Variants in THSD7A observed in about 807,000 individuals in gnomAD.
THSD7A encodes thrombospondin type 1 domain containing 7A, also known as thrombospondin type-1 domain-containing protein 7A.
Under a neutral mutation model 231.3 loss-of-function variants are expected in THSD7A, and 96 were observed. That is an observed-to-expected ratio of 0.41 (90% CI 0.35 to 0.49). The LOEUF (loss-of-function observed/expected upper bound fraction) is 0.49. Among genes scored for constraint, THSD7A ranks in the 20% least tolerant of loss-of-function variants. The probability of loss-of-function intolerance (pLI) is 0.05; values close to 1 mark genes in which losing one functional copy is unlikely to be tolerated. For synonymous variants in THSD7A, 940 were observed against 743.3 expected (o/e 1.26, Z -4.30); for missense variants, 2,290 against 2,070.2 (o/e 1.11, Z -2.06).
At chr7:11,557,546 C>G (rs978487970) in intron 4 of THSD7A, among the ~76,000 whole-genome samples, 2 of 151,990 alleles carry the variant, frequency 1.3e-5, no homozygotes, top group Non-Finnish European at 2.9e-5. Context: ...ACATTTTTGC[C>G]TCATGTCACA....
chr7:11,830,048 A>T (rs1785149352), intron 1 of THSD7A, among the ~76,000 whole-genome samples: 1 of 152,220 alleles, frequency 6.6e-6, no homozygotes, highest in South Asian at 2.1e-4. Context: ...CTAAGGGTCA[A>T]AATTTAAGTG....
chr7:11,398,289 G>A (rs1206672546), intron 23 of THSD7A, among the ~76,000 whole-genome samples: 1 of 152,054 alleles, frequency 6.6e-6, no homozygotes, highest in African/African-American at 2.4e-5. Context: ...CACAGAAACA[G>A]AAAACCAAAC....
chr7:11,419,289 G>A (rs150953976), intron 16 of THSD7A, among the ~76,000 whole-genome samples: 282 of 152,272 alleles, frequency 1.9e-3, no homozygotes, highest in Middle Eastern at 3.4e-3. Context: ...CTGGTGGGAG[G>A]TCACTGGATC....
chr7:11,440,793 G>A lies in THSD7A; in HGVS notation c.3064+5268C>T, dbSNP rs553739562. ...GGAATCTGCTCCGGGTGAAGATGCA[G>A]TGACAATTGTTGAAATGACAACAAA... On this transcript the variant is annotated intron_variant, in intron 13 of 27. Coordinates refer to ENST00000423059, the MANE Select transcript of THSD7A (RefSeq NM_015204.3). Among the ~76,000 whole-genome samples the A allele has an allele frequency of 7.9e-5, 12 of 152,146 alleles. 1 individual carries two copies. The highest frequency in any genetic ancestry group is 4.6e-4 in the Admixed American group (7 of 15,270).
intron 6 of THSD7A, among the ~76,000 whole-genome samples, chr7:11,484,465 T>A (rs1184810463): frequency 6.6e-6 from 1 of 152,152 alleles, no homozygotes; most frequent in Non-Finnish European, 1.5e-5. Flanking sequence ...TCATTGACCA[T>A]ACACACTCTC....
intron 6 of THSD7A, among the ~76,000 whole-genome samples, chr7:11,499,556 C>T (rs10278390): frequency 0.013 from 2,028 of 152,144 alleles, 56 homozygotes; most frequent in African/African-American, 0.047. Context: ...AACCCCAATC[C>T]AAGGAAAATG....
At chr7:11,469,525 GA>G (rs1378871674) in intron 9 of THSD7A, among the ~76,000 whole-genome samples, 2 of 152,106 alleles carry the variant, frequency 1.3e-5, no homozygotes, top group Non-Finnish European at 2.9e-5. Context: ...TAAGTAGGAT[GA>G]AAGCCATGTG....
intron 1 of THSD7A, among the ~76,000 whole-genome samples, chr7:11,827,117 C>T (rs1785055815): frequency 1.3e-5 from 2 of 152,050 alleles, no homozygotes; most frequent in African/African-American, 4.8e-5. Flanking sequence ...AATCCTTCCA[C>T]CTTGACCTCT....
At chr7:11,690,898 A>G (rs768225263) in intron 1 of THSD7A, among the ~76,000 whole-genome samples, 23 of 151,732 alleles carry the variant, frequency 1.5e-4, no homozygotes, top group Non-Finnish European at 2.5e-4. Flanking sequence ...TGTTCACCAA[A>G]GTACATAGGT....
At chr7:11,672,447 T>C (rs943581885) in intron 1 of THSD7A, among the ~76,000 whole-genome samples, 1 of 152,148 alleles carries the variant, frequency 6.6e-6, no homozygotes, top group African/African-American at 2.4e-5. Context: ...TGGATTATGT[T>C]CTATCATACA....
chr7:11,740,064 T>C (rs1172017696), intron 1 of THSD7A, among the ~76,000 whole-genome samples: 1 of 151,988 alleles, frequency 6.6e-6, no homozygotes, highest in African/African-American at 2.4e-5. Context: ...GGCTCCCTTC[T>C]AATGATCAAA....
intron 22 of THSD7A, among the ~76,000 whole-genome samples, chr7:11,405,110 T>C (rs1054940512): frequency 2.0e-5 from 3 of 151,758 alleles, no homozygotes; most frequent in African/African-American, 7.3e-5. Flanking sequence ...TTTCATTCAG[T>C]TCATCTTAAA....
intron 1 of THSD7A, among the ~76,000 whole-genome samples, chr7:11,661,962 G>A (rs1392147978): frequency 6.6e-6 from 1 of 151,056 alleles, no homozygotes; most frequent in Non-Finnish European, 1.5e-5. Context: ...AAGAAGGAAA[G>A]CTAAACACAA....
chr7:11,820,397 C>T, intron 1 of THSD7A: 1 of 1,319,232 alleles, frequency 7.6e-7, no homozygotes, highest in East Asian at 2.6e-5. Flanking sequence ...TCCCATTCCT[C>T]CCCACTGAAC....
intron 6 of THSD7A, among the ~76,000 whole-genome samples, chr7:11,487,805 T>C (rs1562650645): frequency 6.6e-6 from 1 of 152,122 alleles, no homozygotes; most frequent in East Asian, 1.9e-4. Context: ...ATTATTTAAT[T>C]ATCTCCACCT....
chr7:11,497,905 G>A (rs909190726), intron 6 of THSD7A, among the ~76,000 whole-genome samples: 4 of 152,110 alleles, frequency 2.6e-5, no homozygotes, highest in Admixed American at 6.6e-5. Context: ...GTGAATAAGC[G>A]ATCCCGGGAA....
intron 11 of THSD7A, among the ~76,000 whole-genome samples, chr7:11,454,369 C>A (rs2128296460): frequency 6.6e-6 from 1 of 151,984 alleles, no homozygotes; most frequent in Admixed American, 6.6e-5. Flanking sequence ...TCCTTCACTA[C>A]TTCTCATTTT....
chr7:11,630,494 T>C (rs894786774), intron 2 of THSD7A, among the ~76,000 whole-genome samples: 2 of 152,236 alleles, frequency 1.3e-5, no homozygotes, highest in African/African-American at 4.8e-5. Flanking sequence ...CTTCATGTTT[T>C]ACCCAGTTAT....
At chr7:11,588,152 C>T (rs983804221) in intron 4 of THSD7A, among the ~76,000 whole-genome samples, 8 of 152,096 alleles carry the variant, frequency 5.3e-5, no homozygotes, top group African/African-American at 1.9e-4. Flanking sequence ...TTCATATGAA[C>T]ATGACTGAAC....
Sources: gnomAD v4.1 joint callset for allele counts (sites outside exome capture counted in the v4.1 genomes callset) on GRCh38, gnomAD v4.1.1 for gene constraint, MANE v1.5 for transcripts, NCBI Gene and HGNC (gene_info 2026-07-23, HGNC 2026-07-21) for gene names.